The following SMC6 variants were observed in gnomAD, a reference collection of about 807,000 sequenced individuals.
SMC6 encodes the protein structural maintenance of chromosomes protein 6.
In SMC6, 79 loss-of-function variants were observed where a neutral mutation model predicts 142.2. That is an observed-to-expected ratio of 0.56 (90% CI 0.46 to 0.67). The LOEUF is 0.67. Among genes scored for constraint, SMC6 ranks in the 30% least tolerant of loss-of-function variants. The pLI is 0.00. For synonymous variants in SMC6, 411 were observed against 412.4 expected, an observed-to-expected ratio of 1.00 and a Z score of 0.04; for missense variants, 1,072 against 1,284.0, an observed-to-expected ratio of 0.83 and a Z score of 2.52.
chr2:17,744,874 C>G (rs1196530357), intron 3 of SMC6, among the ~76,000 whole-genome samples: 2 of 152,126 alleles, frequency 1.3e-5, no homozygotes, highest in African/African-American at 4.8e-5. Context: ...CATGGTGAAT[C>G]ACAATGATTG....
Position 17,721,156 on chromosome 2 carries a change from T to C in SMC6, c.832A>G (p.Met278Val). The part of the protein sequence containing the change: ...KTNLESLKHE[M>V]AWAVVNEIEK... ...GTGATAATTACCACTGCCCAAGCCATTTCATGTTTCAAGGACTCTAAATTA... is the reference window on the plus strand; with the variant it reads ...GTGATAATTACCACTGCCCAAGCCACTTCATGTTTCAAGGACTCTAAATTA... Residue 278 changes from methionine to valine, a missense_variant, in exon 10 of 28, where the codon ATG becomes GTG. Met to Val is a conservative substitution (Grantham distance 21, BLOSUM62 1). Around this residue, in one of 3 missense-constraint regions of SMC6, gnomAD observed 994 missense variants for 1,153.2 expected, o/e 0.86. Coordinates refer to ENST00000448223, the MANE Select transcript of SMC6 (RefSeq NM_001142286.2). 6.2e-7 allele frequency: 1 copy of C among 1,611,096 alleles called. No individual in the cohort carries two copies. Among genetic ancestry groups the C allele is most frequent in the Non-Finnish European group, 8.5e-7 (1 of 1,179,146 alleles).
At chr2:17,693,458 C>T (rs1014715442) in intron 23 of SMC6, among the ~76,000 whole-genome samples, 5 of 152,188 alleles carry the variant, frequency 3.3e-5, no homozygotes, top group Non-Finnish European at 7.4e-5. Context: ...AAAAACCAAA[C>T]ACTGCATGTT....
At chr2:17,713,273 G>A in intron 16 of SMC6, 1 of 328,886 alleles carries the variant, frequency 3.0e-6, no homozygotes, top group Non-Finnish European at 6.0e-6. Flanking sequence ...TGTATCTTAA[G>A]CAGACTTCGA....
intron 11 of SMC6, among the ~76,000 whole-genome samples, chr2:17,719,958 G>C (rs1041542500): frequency 2.6e-5 from 4 of 152,158 alleles, no homozygotes; most frequent in Middle Eastern, 3.2e-3. Context: ...GGGCCAGAAA[G>C]AAATTTCCTA....
intron 23 of SMC6, 45 bp downstream of exon 23, chr2:17,695,107 A>T: frequency 6.3e-7 from 1 of 1,598,324 alleles, no homozygotes; most frequent in South Asian, 1.1e-5. Flanking sequence ...TCTTGATGAT[A>T]TGCATGAATA....
intron 18 of SMC6, among the ~76,000 whole-genome samples, chr2:17,704,566 G>A (rs1267979860): frequency 6.6e-6 from 1 of 152,092 alleles, no homozygotes; most frequent in Non-Finnish European, 1.5e-5. Context: ...CTTTTCCCTG[G>A]TCTGGGGGAT....
At chr2:17,743,084 A>G (rs1012336939) in intron 3 of SMC6, among the ~76,000 whole-genome samples, 2 of 152,206 alleles carry the variant, frequency 1.3e-5, no homozygotes, top group Non-Finnish European at 1.5e-5. Flanking sequence ...GTTGTTGCCT[A>G]TATCGGTAGT....
chr2:17,732,134 T>C (rs1669942688), intron 5 of SMC6, among the ~76,000 whole-genome samples: 1 of 152,168 alleles, frequency 6.6e-6, no homozygotes, highest in Admixed American at 6.5e-5. Context: ...ATCATAGAAA[T>C]AGCACATCTG....
intron 9 of SMC6, among the ~76,000 whole-genome samples, chr2:17,723,967 C>T (rs572267933): frequency 9.9e-5 from 15 of 152,222 alleles, no homozygotes; most frequent in South Asian, 2.1e-4. Context: ...AGGAATTCTC[C>T]TACATAATTT....
chr2:17,721,385 A>T, intron 9 of SMC6, 124 bp from the exon 10 acceptor site: 2 of 993,336 alleles, frequency 2.0e-6, no homozygotes, highest in Non-Finnish European at 2.8e-6. Flanking sequence ...TTTAAAAATA[A>T]CTTCTATTTT....
rs756248994 is a variant in SMC6, at chr2:17,741,708, T to C, written c.142A>G (p.Ile48Val). The C allele has an allele frequency of 2.5e-6, 4 of 1,607,920 alleles. No individual in the cohort carries two copies. In the African/African-American group the frequency reaches 5.4e-5, roughly 22 times the overall value. The change falls in exon 4 of 28, where the codon ATT becomes GTT. Residue 48 changes from isoleucine (I) to valine (V), a missense_variant. This residue lies in a region of SMC6 where 994 missense variants were observed against 1,153.2 expected (regional missense o/e 0.86). Coordinates refer to ENST00000448223, the MANE Select transcript of SMC6 (RefSeq NM_001142286.2). Reference sequence around the variant, plus strand: ...AAGTTTTTTAGGTGAATACTCTCAATTATTCCAACTTCTGCTGCAGTCTAT... The same window carrying C: ...AAGTTTTTTAGGTGAATACTCTCAACTATTCCAACTTCTGCTGCAGTCTAT... ...TTLTAAEVGI[I>V]ESIHLKNFMC...
chr2:17,722,040 T>G (rs560744357), intron 9 of SMC6, among the ~76,000 whole-genome samples: 33 of 152,274 alleles, frequency 2.2e-4, no homozygotes, highest in African/African-American at 7.7e-4. Context: ...GCTTACCAAA[T>G]TCAACTTGGG....
chr2:17,740,513 G>A (rs1670386572), intron 4 of SMC6, among the ~76,000 whole-genome samples: 1 of 152,100 alleles, frequency 6.6e-6, no homozygotes, highest in South Asian at 2.1e-4. Flanking sequence ...TCCACAATGT[G>A]GTCAGTTTGT....
rs745792171 is a variant in SMC6 at position 17,708,770 on chromosome 2, C to A, written c.1731-17G>T. ...TAAGCAGCTCTAGGAGACAAAAATA[C>A]AGAAGGATTAACTTAGCAAATTTTA... On this transcript the variant is annotated splice_polypyrimidine_tract_variant and intron_variant, in intron 16 of 27. Transcript: ENST00000448223. The A allele has an allele frequency of 7.2e-7, 1 of 1,387,892 alleles. No individual in the cohort carries two copies. Among genetic ancestry groups the A allele is most frequent in the Admixed American group, 2.5e-5 (1 of 40,610 alleles). The allele number at this position is 1,387,892 out of a possible 1,614,324, so 86.0% of individuals were successfully genotyped here. A position where few individuals can be genotyped will look rare whatever the true frequency, so the allele number is the denominator to read the frequency against.
At chr2:17,718,425 C>A (rs1391059463) in intron 11 of SMC6, among the ~76,000 whole-genome samples, 1 of 152,058 alleles carries the variant, frequency 6.6e-6, no homozygotes, top group African/African-American at 2.4e-5. Context: ...AATGTGTTAT[C>A]CTCTTGGGAT....
At chr2:17,740,056 A>T (rs1670365961) in intron 4 of SMC6, among the ~76,000 whole-genome samples, 1 of 152,160 alleles carries the variant, frequency 6.6e-6, no homozygotes, top group Non-Finnish European at 1.5e-5. Context: ...ATTTCCTGGA[A>T]TGCCTGTAAA....
intron 8 of SMC6, among the ~76,000 whole-genome samples, chr2:17,725,830 G>C (rs938756801): frequency 2.0e-5 from 3 of 151,994 alleles, no homozygotes; most frequent in Non-Finnish European, 4.4e-5. Flanking sequence ...GCTCACACCG[G>C]TAATCCCAGC....
At chr2:17,753,345 G>C (rs1447183433) in intron 1 of SMC6, among the ~76,000 whole-genome samples, 1 of 152,230 alleles carries the variant, frequency 6.6e-6, no homozygotes, top group Admixed American at 6.5e-5. Context: ...GCCTGGGAGG[G>C]GACGGCCGCC....
intron 11 of SMC6, among the ~76,000 whole-genome samples, chr2:17,719,784 G>A (rs1238985647): frequency 6.6e-6 from 1 of 152,078 alleles, no homozygotes; most frequent in African/African-American, 2.4e-5. Flanking sequence ...CCCAGAAATC[G>A]CTAAGTGTCC....
Sources: gnomAD v4.1 joint callset for allele counts (sites outside exome capture counted in the v4.1 genomes callset) on GRCh38, gnomAD v4.1.1 for gene constraint, gnomAD v4.1.1 regional missense constraint, MANE v1.5 for transcripts, NCBI Gene and HGNC (gene_info 2026-07-23, HGNC 2026-07-21) for gene names.